The following ARHGAP10 variants were observed in gnomAD, a reference collection of about 807,000 sequenced individuals.
The protein encoded by ARHGAP10 is rho GTPase-activating protein 10.
A neutral mutation model predicts 108.6 loss-of-function variants in ARHGAP10; 87 were observed. That is an observed-to-expected ratio of 0.80 (90% confidence interval 0.67 to 0.96). The LOEUF is 0.96. Among genes scored for constraint, ARHGAP10 ranks in the 40% least tolerant of loss-of-function variants. ARHGAP10 has a pLI of 0.00. For missense variants in ARHGAP10, 939 were observed against 954.5 expected, an observed-to-expected ratio of 0.98 and a Z score of 0.21; for synonymous variants, 347 against 341.1, an observed-to-expected ratio of 1.02 and a Z score of -0.19.
chr4:147,829,304 G>A (rs868795680), intron 3 of ARHGAP10, among the ~76,000 whole-genome samples: 2 of 151,616 alleles, frequency 1.3e-5, no homozygotes, highest in Admixed American at 6.6e-5. Context: ...TTCCTGCCTC[G>A]ACCCCCCCAT....
chr4:147,951,583 A>C (rs955160494), intron 15 of ARHGAP10, among the ~76,000 whole-genome samples: 3 of 151,874 alleles, frequency 2.0e-5, no homozygotes, highest in African/African-American at 7.3e-5. Flanking sequence ...TATGTACCTT[A>C]ACATTTTTTT....
At chr4:148,045,858 G>A (rs570150895) in intron 19 of ARHGAP10, among the ~76,000 whole-genome samples, 65 of 151,844 alleles carry the variant, frequency 4.3e-4, no homozygotes, top group Non-Finnish European at 2.4e-4. Context: ...GTGAGGAAAC[G>A]TGAAGCTTTA....
At chr4:148,049,752 A>G (rs1269101974) in intron 20 of ARHGAP10, among the ~76,000 whole-genome samples, 2 of 151,280 alleles carry the variant, frequency 1.3e-5, no homozygotes, top group African/African-American at 2.4e-5. Flanking sequence ...GTTTCTACCT[A>G]TCTAGCTAAT....
At chr4:147,783,174 CACATTAA>C (rs1560754963) in intron 1 of ARHGAP10, among the ~76,000 whole-genome samples, 1 of 125,974 alleles carries the variant, frequency 7.9e-6, no homozygotes, top group East Asian at 2.2e-4. Flanking sequence ...ATTTATATAA[CACATTAA>C]ATTATATATT....
intron 4 of ARHGAP10, among the ~76,000 whole-genome samples, chr4:147,851,130 A>G (rs547403832): frequency 5.9e-5 from 9 of 152,350 alleles, no homozygotes; most frequent in African/African-American, 2.2e-4. Flanking sequence ...TTATAATTTT[A>G]TCCAAATAGA....
chr4:147,787,050 C>T (rs1316300235), intron 1 of ARHGAP10, among the ~76,000 whole-genome samples: 2 of 152,126 alleles, frequency 1.3e-5, no homozygotes, highest in African/African-American at 4.8e-5. Context: ...GTGAAGGGAC[C>T]TGGAGTGCTC....
At chr4:147,908,382 T>G (rs1736587523) in intron 11 of ARHGAP10, among the ~76,000 whole-genome samples, 1 of 152,162 alleles carries the variant, frequency 6.6e-6, no homozygotes, top group Admixed American at 6.5e-5. Context: ...GCGAAAAGAC[T>G]AAGTCATTGA....
chr4:147,802,784 A>G (rs1731633783), intron 1 of ARHGAP10, among the ~76,000 whole-genome samples: 1 of 152,176 alleles, frequency 6.6e-6, no homozygotes, highest in African/African-American at 2.4e-5. Context: ...TTACCTTCTC[A>G]AAGTTGTTTC....
chr4:148,047,907 C>T (rs1728958202), intron 20 of ARHGAP10, among the ~76,000 whole-genome samples: 1 of 152,078 alleles, frequency 6.6e-6, no homozygotes, highest in Admixed American at 6.5e-5. Context: ...ACTGCAACCT[C>T]CGCCTCCTGG....
chr4:148,067,674 A>T (rs1729956301), intron 22 of ARHGAP10, among the ~76,000 whole-genome samples: 1 of 152,336 alleles, frequency 6.6e-6, no homozygotes, highest in Non-Finnish European at 1.5e-5. Flanking sequence ...CATACAGGCA[A>T]CAAAGGAAAT....
At chr4:147,764,007 G>A (rs924568949) in intron 1 of ARHGAP10, among the ~76,000 whole-genome samples, 4 of 152,028 alleles carry the variant, frequency 2.6e-5, no homozygotes, top group East Asian at 1.9e-4. Flanking sequence ...TGCCTGCCTC[G>A]GCCTCCTAAA....
intron 18 of ARHGAP10, among the ~76,000 whole-genome samples, chr4:148,007,569 G>T (rs1266316253): frequency 7.2e-5 from 11 of 152,214 alleles, no homozygotes; most frequent in Admixed American, 7.2e-4. Context: ...CCTTCATGCG[G>T]TGTGTGAACC....
intron 22 of ARHGAP10, among the ~76,000 whole-genome samples, chr4:148,071,096 G>A (rs921186788): frequency 6.6e-6 from 1 of 152,212 alleles, no homozygotes; most frequent in South Asian, 2.1e-4. Context: ...AGAGGAGGAG[G>A]CATCCAATCA....
intron 18 of ARHGAP10, among the ~76,000 whole-genome samples, chr4:148,001,648 T>TC (rs146330400): frequency 0.75 from 110,278 of 147,552 alleles, 41,645 homozygotes; most frequent in East Asian, 0.86. Flanking sequence ...TAAGTTGGAT[T>TC]CTAGGTATTT....
intron 19 of ARHGAP10, among the ~76,000 whole-genome samples, chr4:148,028,671 A>G (rs1249007441): frequency 2.0e-5 from 3 of 152,230 alleles, no homozygotes; most frequent in Non-Finnish European, 4.4e-5. Flanking sequence ...TGAAAATAAT[A>G]CTTAAGAAAC....
At chr4:148,015,262 G>C (rs1011438081) in intron 18 of ARHGAP10, among the ~76,000 whole-genome samples, 3 of 152,194 alleles carry the variant, frequency 2.0e-5, no homozygotes, top group East Asian at 1.9e-4. Context: ...GGGGTACTTT[G>C]TTGGAAAGAA....
intron 13 of ARHGAP10, among the ~76,000 whole-genome samples, chr4:147,924,822 A>C (rs1002238303): frequency 2.0e-5 from 3 of 152,200 alleles, no homozygotes; most frequent in East Asian, 1.9e-4. Context: ...TGTTGTGAGA[A>C]CTAAAAGAGA....
chr4:147,928,786 G>A (rs909370394), intron 13 of ARHGAP10, among the ~76,000 whole-genome samples: 22 of 152,172 alleles, frequency 1.4e-4, no homozygotes, highest in South Asian at 4.1e-4. Flanking sequence ...TATATGTATC[G>A]TGCCTGGCTA....
intron 19 of ARHGAP10, among the ~76,000 whole-genome samples, chr4:148,042,659 C>A (rs926064858): frequency 6.6e-6 from 1 of 152,162 alleles, no homozygotes; most frequent in South Asian, 2.1e-4. Context: ...AACCATATTA[C>A]AGCAAACACC....
Sources: allele counts gnomAD v4.1 joint callset (sites outside exome capture counted in the v4.1 genomes callset), GRCh38; gene constraint gnomAD v4.1.1; transcripts MANE v1.5; gene names NCBI Gene and HGNC (gene_info 2026-07-23, HGNC 2026-07-21).